Variants in PPFIA1 observed in about 807,000 individuals in gnomAD.
The protein encoded by PPFIA1 is liprin-alpha-1.
PPFIA1 carries 25 observed loss-of-function variants against 149.9 expected under a neutral mutation model. The ratio of observed to expected loss-of-function variants is 0.17; its 90% CI spans 0.12 to 0.23. PPFIA1 has a LOEUF of 0.23. PPFIA1 is among the 10% of genes least tolerant of loss of function. The probability of loss-of-function intolerance (pLI) is 1.00; values close to 1 mark genes in which losing one functional copy is unlikely to be tolerated. For missense variants in PPFIA1, 1,362 were observed against 1,506.5 expected (o/e 0.90, Z 1.59); for synonymous variants, 549 against 552.8 (o/e 0.99, Z 0.10).
At chr11:70,322,472 G>A (rs549330819) in intron 2 of PPFIA1, among the ~76,000 whole-genome samples, 2 of 152,216 alleles carry the variant, frequency 1.3e-5, no homozygotes, top group South Asian at 2.1e-4. Flanking sequence ...CCCTCCTCCC[G>A]CACGCTGCCC....
Position 70,332,051 on chromosome 11 carries a change from A to T in PPFIA1, c.1169A>T (p.Glu390Val). The T allele has an allele frequency of 6.2e-7, 1 of 1,612,498 alleles. No individual in the cohort carries two copies. The highest frequency in any genetic ancestry group is 8.5e-7 in the Non-Finnish European group (1 of 1,179,292). Residue 390 changes from glutamate to valine, a missense_variant, in exon 9 of 28, where the codon GAG becomes GTG. By Grantham distance (121) the Glu-to-Val change is moderately radical (BLOSUM62 -2). This residue lies in a region of PPFIA1 where 733 missense variants were observed against 744.1 expected (regional missense o/e 0.99). Transcript: ENST00000253925. ...CTGAGGAAGGCAGAGACGCTCCCGGAGGTGGAGGCGGAGCTGGCCCAGAGG... is the reference window on the plus strand; with the variant it reads ...CTGAGGAAGGCAGAGACGCTCCCGGTGGTGGAGGCGGAGCTGGCCCAGAGG... ...QTLRKAETLP[E>V]VEAELAQRVA...
chr11:70,285,202 G>A (rs905756647), intron 2 of PPFIA1, among the ~76,000 whole-genome samples: 26 of 151,628 alleles, frequency 1.7e-4, no homozygotes, highest in Admixed American at 1.1e-3. Context: ...GTTTCACCAC[G>A]TTGCCCAGGC....
At chr11:70,339,026 C>T in intron 13 of PPFIA1, 145 bp from the exon 14 acceptor site, 1 of 927,558 alleles carries the variant, frequency 1.1e-6, no homozygotes, top group Non-Finnish European at 1.6e-6. Flanking sequence ...ACATGTAGCT[C>T]TTGGGGCAGA....
chr11:70,274,180 A>G (rs900013947), intron 2 of PPFIA1, among the ~76,000 whole-genome samples: 1 of 152,220 alleles, frequency 6.6e-6, no homozygotes, highest in African/African-American at 2.4e-5. Flanking sequence ...CATCTGGTTC[A>G]TCTTTGGTGG....
In PPFIA1 at chr11:70,382,081, G is replaced by T. The variant is rs780148501; in HGVS notation, c.3551-7G>T. The T allele has an allele frequency of 6.2e-7, 1 of 1,613,910 alleles. No individual in the cohort carries two copies. The highest frequency in any genetic ancestry group is 1.1e-5 in the South Asian group (1 of 91,048). On this transcript the variant is annotated splice_region_variant and splice_polypyrimidine_tract_variant and intron_variant, in intron 26 of 27. Coordinates refer to ENST00000253925, the MANE Select transcript of PPFIA1 (RefSeq NM_003626.5). ...TTGCACGCTTCCTCTCGTGGCTGTT[G>T]AAACAGGCAATGTATCAGGAACACA...
intron 2 of PPFIA1, among the ~76,000 whole-genome samples, chr11:70,302,001 C>T (rs1263381512): frequency 6.6e-6 from 1 of 152,242 alleles, no homozygotes; most frequent in Non-Finnish European, 1.5e-5. Flanking sequence ...GTGATGGGCA[C>T]AGCCTTTCAG....
intron 2 of PPFIA1, among the ~76,000 whole-genome samples, chr11:70,285,005 AT>A (rs2051011723): frequency 6.6e-6 from 1 of 151,920 alleles, no homozygotes; most frequent in Non-Finnish European, 1.5e-5. Flanking sequence ...ATTTTTATTT[AT>A]TTATGTATTT....
rs952719695 is a variant in PPFIA1 at position 70,356,262 on chromosome 11, T to G, written c.2582+8T>G. On this transcript the variant is annotated splice_region_variant and intron_variant, in intron 19 of 27. Transcript: ENST00000253925. ...TCGTAAACTTCAAAAAAAGTAAGCT[T>G]TGTGTTATTTCTTCATCTCATTGAA... 6 of 1,607,296 alleles carry G rather than the reference T, an allele frequency of 3.7e-6. No individual in the cohort carries two copies. Among genetic ancestry groups the G allele is most frequent in the Non-Finnish European group, 5.1e-6 (6 of 1,174,436 alleles).
intron 2 of PPFIA1, among the ~76,000 whole-genome samples, chr11:70,275,451 C>T (rs1445450470): frequency 2.6e-5 from 4 of 152,146 alleles, no homozygotes; most frequent in Admixed American, 2.6e-4. Context: ...CCCAGTTGAT[C>T]CATCTTTTCA....
chr11:70,308,834 GGGAGGCTGAACCTAGGAGTT>G (rs1196671195), intron 2 of PPFIA1, among the ~76,000 whole-genome samples: 16 of 152,158 alleles, frequency 1.1e-4, no homozygotes, highest in Non-Finnish European at 2.4e-4. Flanking sequence ...CTAGCTACTT[GGGAGGCTGAACCTAGGAGTT>G]GGAGGCTGCA....
rs572213659 is a variant in PPFIA1, at chr11:70,321,033, C to G, written c.265-3369C>G. On this transcript the variant is annotated intron_variant, in intron 2 of 27. Coordinates refer to ENST00000253925, the MANE Select transcript of PPFIA1 (RefSeq NM_003626.5). The stretch of plus-strand genomic sequence containing the variant: ...GGGCTGAATACTTTTGTGTTCCCTG[C>G]TCTGCCAAAGTCATATGCTCAAATC... 2.2e-4 allele frequency among the ~76,000 whole-genome samples: 33 copies of G among 152,310 alleles called. No individual in the cohort carries two copies. The East Asian group carries it at 6.4e-3, about 29-fold the overall frequency.
At chr11:70,365,655 A>T (rs2135284405) in intron 21 of PPFIA1, 2 of 354,536 alleles carry the variant, frequency 5.6e-6, no homozygotes, top group African/African-American at 2.1e-5. Flanking sequence ...CTTTTAGAAT[A>T]GCTTTAATCT....
intron 14 of PPFIA1, among the ~76,000 whole-genome samples, chr11:70,339,996 G>T (rs2055216571): frequency 1.3e-5 from 2 of 151,994 alleles, no homozygotes; most frequent in South Asian, 4.2e-4. Flanking sequence ...TGGGCTACAA[G>T]AGTGAAACTC....
At chr11:70,327,026 A>G in intron 7 of PPFIA1, 1 of 540,434 alleles carries the variant, frequency 1.9e-6, no homozygotes, top group South Asian at 2.1e-5. Context: ...CCTGTCCCTG[A>G]GCTCTTCAAA....
chr11:70,324,732 G>A (rs903377441), intron 3 of PPFIA1, 115 bp from the exon 4 acceptor site: 15 of 1,061,954 alleles, frequency 1.4e-5, no homozygotes, highest in East Asian at 4.9e-5. Context: ...GTTTTTCTGC[G>A]GAATTGAAGG....
intron 14 of PPFIA1, among the ~76,000 whole-genome samples, chr11:70,340,424 CAG>C (rs2137074201): frequency 6.6e-6 from 1 of 152,340 alleles, no homozygotes; most frequent in East Asian, 1.9e-4. Context: ...GCTTGGTCAA[CAG>C]AGTAAGACCC....
chr11:70,379,172 C>T (rs936783319), intron 26 of PPFIA1, among the ~76,000 whole-genome samples: 10 of 152,110 alleles, frequency 6.6e-5, no homozygotes, highest in African/African-American at 2.4e-4. Flanking sequence ...GTCACTCATG[C>T]TCACTTCTGA....
At position 70,355,701 on chromosome 11, in the gene PPFIA1, C is replaced by T. The variant is rs768532805; in HGVS notation, c.2378C>T (p.Ser793Leu). 16 of 1,613,972 alleles carry T rather than the reference C, an allele frequency of 9.9e-6. No individual in the cohort carries two copies. Among genetic ancestry groups the T allele is most frequent in the Admixed American group, 8.3e-5 (5 of 59,982 alleles). The stretch of plus-strand genomic sequence containing the variant: ...AGCAGTAGCAACAGTAGCCAGGACT[C>T]GCTCCACAAAGCCCCAAAGAAGAAA... Reference protein sequence around the residue: ...NPSSSNSSQDSLHKAPKKKGI... With the variant: ...NPSSSNSSQDLLHKAPKKKGI... The change falls in exon 18 of 28, where the codon TCG (serine) becomes TTG (leucine). Residue 793 changes from serine to leucine, a missense_variant. Around this residue, in one of 7 missense-constraint regions of PPFIA1, gnomAD observed 733 missense variants for 744.1 expected, o/e 0.99. Coordinates refer to ENST00000253925, the MANE Select transcript of PPFIA1 (RefSeq NM_003626.5).
chr11:70,370,501 C>T (rs888359510), intron 21 of PPFIA1, among the ~76,000 whole-genome samples: 2 of 152,030 alleles, frequency 1.3e-5, no homozygotes, highest in South Asian at 2.1e-4. Flanking sequence ...ATTCTCCTGC[C>T]TCAGCCTCCT....
Sources: gnomAD v4.1 joint callset for allele counts (sites outside exome capture counted in the v4.1 genomes callset) on GRCh38, gnomAD v4.1.1 for gene constraint, gnomAD v4.1.1 regional missense constraint, MANE v1.5 for transcripts, NCBI Gene and HGNC (gene_info 2026-07-23, HGNC 2026-07-21) for gene names.